The following RHOD variants were observed in gnomAD, a reference collection of about 807,000 sequenced individuals.
RHOD encodes the protein ras homolog family member D, also known as rho-related GTP-binding protein RhoD.
A neutral mutation model predicts 16.7 loss-of-function variants in RHOD; 11 were observed. The ratio of observed to expected loss-of-function variants is 0.66; its 90% CI spans 0.41 to 1.09. The LOEUF (loss-of-function observed/expected upper bound fraction) is 1.09, where lower values mean the gene tolerates loss of function less well. Among genes scored for constraint, RHOD ranks in the 50% least tolerant of loss-of-function variants. RHOD has a pLI of 0.00. For synonymous variants in RHOD, 124 were observed against 126.3 expected (o/e 0.98, Z 0.12); for missense variants, 271 against 291.7 (o/e 0.93, Z 0.52).
intron 1 of RHOD, among the ~76,000 whole-genome samples, chr11:67,059,880 CT>C (rs1396920324): frequency 6.6e-6 from 1 of 152,280 alleles, no homozygotes; most frequent in East Asian, 1.9e-4. Flanking sequence ...ATCTCCCAGA[CT>C]TCCTGCACAC....
Position 67,070,410 on chromosome 11 carries a change from C to A in RHOD, c.331-15C>A, listed in dbSNP as rs1412955426. 6.2e-7 allele frequency: 1 copy of A among 1,613,712 alleles called. No homozygotes were observed. Among genetic ancestry groups the A allele is most frequent in the African/African-American group, 1.3e-5 (1 of 74,988 alleles). On this transcript the variant is annotated splice_polypyrimidine_tract_variant and intron_variant, in intron 3 of 4. Coordinates refer to ENST00000308831, the MANE Select transcript of RHOD (RefSeq NM_014578.4). ...CTCACACATGCCCCCCACATGCCCCCTCGCCCCCCTGCAGTGGTACCCAGA... is the reference window on the plus strand; with the variant it reads ...CTCACACATGCCCCCCACATGCCCCATCGCCCCCCTGCAGTGGTACCCAGA...
At chr11:67,070,679 T>C (rs1478491316) in intron 4 of RHOD, 120 bp downstream of exon 4, 9 of 1,232,400 alleles carry the variant, frequency 7.3e-6, no homozygotes, top group Admixed American at 4.4e-5. Context: ...GCGGTCGTCT[T>C]AGAGGCTGTC....
intron 4 of RHOD, 60 bp from the exon 5 acceptor site, chr11:67,071,375 G>T: frequency 6.8e-7 from 1 of 1,468,136 alleles, no homozygotes; most frequent in South Asian, 1.4e-5. Flanking sequence ...AAAAGGAAGC[G>T]AGAACGTGAG....
intron 1 of RHOD, among the ~76,000 whole-genome samples, chr11:67,058,313 C>T (rs1418775618): frequency 6.6e-6 from 1 of 152,082 alleles, no homozygotes; most frequent in Non-Finnish European, 1.5e-5. Context: ...GTAGCTGGGA[C>T]TACAGGCGCG....
chr11:67,063,935 G>T (rs1018400675), intron 1 of RHOD, among the ~76,000 whole-genome samples: 6 of 150,420 alleles, frequency 4.0e-5, no homozygotes, highest in Non-Finnish European at 8.9e-5. Flanking sequence ...GTGAAACCCC[G>T]TCTCTACTAA....
intron 1 of RHOD, among the ~76,000 whole-genome samples, chr11:67,064,000 G>A (rs1158958845): frequency 6.7e-6 from 1 of 150,078 alleles, no homozygotes. Flanking sequence ...CAGCTACTCG[G>A]GAGGCTGAGG....
chr11:67,061,752 AAAAAT>A lies in RHOD; in HGVS notation c.133-4142_133-4138del, dbSNP rs1356425422. ...CGAGACCCTCTCTAAAAAAAAAAAA[AAAAAT>A]ATATATATATATATATATGTGTGTG... On this transcript the variant is annotated intron_variant, in intron 1 of 4. Coordinates refer to ENST00000308831, the MANE Select transcript of RHOD (RefSeq NM_014578.4). 2.1e-3 allele frequency among the ~76,000 whole-genome samples: 280 copies of A among 136,060 alleles called. 3 individuals carry two copies. The highest frequency in any genetic ancestry group is 7.8e-3 in the African/African-American group (271 of 34,606). The allele number at this position is 136,060 out of a possible 152,430, so 89.3% of individuals were successfully genotyped here.
rs1344763609 is a variant in RHOD at position 67,066,848 on chromosome 11, G to C, written c.330+1G>C. 6.2e-7 allele frequency: 1 copy of C among 1,603,094 alleles called. No individual in the cohort carries two copies. Among genetic ancestry groups the C allele is most frequent in the Non-Finnish European group, 8.5e-7 (1 of 1,170,190 alleles). ...CAGCTTTGACAACATCTTTAACCGG[G>C]TAGGTACTGGGGGGCAGGGAGGCAT... On this transcript the variant is annotated splice_donor_variant, in intron 3 of 4. Transcript: ENST00000308831. LOFTEE classifies it high-confidence loss of function.
intron 2 of RHOD, among the ~76,000 whole-genome samples, chr11:67,066,184 G>T (rs572088058): frequency 6.6e-6 from 1 of 152,308 alleles, no homozygotes; most frequent in South Asian, 2.1e-4. Flanking sequence ...CCCCAGGGCC[G>T]CCCGCTACGT....
intron 2 of RHOD, among the ~76,000 whole-genome samples, chr11:67,066,315 C>T (rs1357607295): frequency 1.3e-5 from 2 of 152,330 alleles, no homozygotes; most frequent in East Asian, 3.9e-4. Context: ...CCTCCAGCCT[C>T]CTGACCTTGC....
At chr11:67,061,030 A>G (rs1308177209) in intron 1 of RHOD, among the ~76,000 whole-genome samples, 4 of 152,232 alleles carry the variant, frequency 2.6e-5, no homozygotes, top group African/African-American at 9.6e-5. Flanking sequence ...GAGACTGGGT[A>G]ATTTATAAAG....
chr11:67,062,095 GAGATGAGA>G (rs1555071152), intron 1 of RHOD, among the ~76,000 whole-genome samples: 10 of 152,054 alleles, frequency 6.6e-5, no homozygotes, highest in Non-Finnish European at 1.5e-4. Flanking sequence ...ATTACAATTC[GAGATGAGA>G]TTTGCTTGGG....
In RHOD at chr11:67,070,514, G is replaced by A. The variant is rs1855016793; in HGVS notation, c.420G>A (p.Val140=). Residue 140 remains valine, a synonymous_variant, in exon 4 of 5, where the codon GTG becomes GTA. Coordinates refer to ENST00000308831, the MANE Select transcript of RHOD (RefSeq NM_014578.4). ...ACCTGCGCAAGGACAAATCACTGGT[G>A]AACAAGCTCCGAAGAAACGGATTGG... ...KTDLRKDKSL[V]NKLRRNGLEP... is the part of the protein sequence containing the mutation. The A allele has an allele frequency of 6.2e-7, 1 of 1,613,988 alleles. No individual in the cohort carries two copies. The highest frequency in any genetic ancestry group is 1.3e-5 in the African/African-American group (1 of 74,902).
intron 1 of RHOD, among the ~76,000 whole-genome samples, chr11:67,058,557 C>T (rs1021079743): frequency 5.3e-5 from 8 of 152,250 alleles, no homozygotes; most frequent in African/African-American, 1.4e-4. Flanking sequence ...GCGATCTGCC[C>T]GCCTCGGCCT....
chr11:67,059,611 T>A (rs1169635044), intron 1 of RHOD, among the ~76,000 whole-genome samples: 3 of 151,724 alleles, frequency 2.0e-5, no homozygotes, highest in Non-Finnish European at 4.4e-5. Flanking sequence ...CCACAACGTG[T>A]AAGAGTTGGA....
intron 1 of RHOD, among the ~76,000 whole-genome samples, chr11:67,061,689 A>G (rs1240856003): frequency 7.4e-5 from 9 of 122,344 alleles, no homozygotes; most frequent in Non-Finnish European, 1.5e-4. Context: ...AGCCGAGATC[A>G]GGCCACTGCA....
intron 1 of RHOD, among the ~76,000 whole-genome samples, chr11:67,058,099 G>A (rs1346979825): frequency 2.0e-5 from 3 of 152,150 alleles, no homozygotes; most frequent in Non-Finnish European, 2.9e-5. Context: ...GGGTTCAAGC[G>A]ATTCTCTTGC....
At chr11:67,061,462 A>G (rs1854885754) in intron 1 of RHOD, among the ~76,000 whole-genome samples, 3 of 151,850 alleles carry the variant, frequency 2.0e-5, no homozygotes, top group Non-Finnish European at 4.4e-5. Flanking sequence ...GAGAAACCCC[A>G]TCTCTACTAA....
At chr11:67,070,182 T>C (rs1208962322) in intron 3 of RHOD, 4 of 579,266 alleles carry the variant, frequency 6.9e-6, no homozygotes, top group East Asian at 7.5e-5. Context: ...TGTGCCTCAG[T>C]TACCGCACCT....
Sources: gnomAD v4.1 joint callset for allele counts (sites outside exome capture counted in the v4.1 genomes callset) on GRCh38, gnomAD v4.1.1 for gene constraint, MANE v1.5 for transcripts, NCBI Gene and HGNC (gene_info 2026-07-23, HGNC 2026-07-21) for gene names.